Variants in XKR6 observed in about 807,000 individuals in gnomAD.
XKR6 encodes the protein XK related 6.
Under a neutral mutation model 56.7 loss-of-function variants are expected in XKR6, and 22 were observed. That is an observed-to-expected ratio of 0.39 (90% CI 0.28 to 0.55). The LOEUF is 0.55. XKR6 is among the 20% of genes least tolerant of loss of function. The probability of loss-of-function intolerance (pLI) is 0.66; values close to 1 mark genes in which losing one functional copy is unlikely to be tolerated. For missense variants in XKR6, 852 were observed against 889.0 expected (o/e 0.96, Z 0.53); for synonymous variants, 524 against 387.8 (o/e 1.35, Z -4.13).
chr8:11,180,653 C>T (rs1384181489), intron 1 of XKR6, among the ~76,000 whole-genome samples: 2 of 152,104 alleles, frequency 1.3e-5, no homozygotes, highest in African/African-American at 4.8e-5. Flanking sequence ...ACCTGCAATC[C>T]CAGGGCTTTG....
At chr8:11,086,360 G>A (rs1325159146) in intron 1 of XKR6, among the ~76,000 whole-genome samples, 1 of 152,058 alleles carries the variant, frequency 6.6e-6, no homozygotes, top group African/African-American at 2.4e-5. Flanking sequence ...CAAAGCCCGG[G>A]CCGAGGATGT....
chr8:10,921,702 C>A (rs1424903882), intron 2 of XKR6, among the ~76,000 whole-genome samples: 3 of 152,190 alleles, frequency 2.0e-5, no homozygotes, highest in African/African-American at 7.2e-5. Flanking sequence ...GTCTACCACC[C>A]TGCTACCTGC....
intron 1 of XKR6, among the ~76,000 whole-genome samples, chr8:11,122,135 G>T (rs564777437): frequency 3.3e-5 from 5 of 152,282 alleles, no homozygotes; most frequent in Admixed American, 3.3e-4. Flanking sequence ...AACTGCTGTT[G>T]CCACAGTCTC....
chr8:11,083,289 A>C (rs977212800), intron 1 of XKR6, among the ~76,000 whole-genome samples: 6 of 152,152 alleles, frequency 3.9e-5, no homozygotes, highest in African/African-American at 1.2e-4. Context: ...GTGAGGAAGG[A>C]ATGGGAATGC....
chr8:11,158,504 C>T (rs150605168), intron 1 of XKR6, among the ~76,000 whole-genome samples: 97 of 152,284 alleles, frequency 6.4e-4, no homozygotes, highest in African/African-American at 2.3e-3. Flanking sequence ...GAAACTTCGC[C>T]TTGAGTTTCT....
chr8:11,196,413 G>A (rs28633434), intron 1 of XKR6, among the ~76,000 whole-genome samples: 76,700 of 150,964 alleles, frequency 0.51, 20,953 homozygotes, highest in African/African-American at 0.7. Context: ...AGCTCAAAAA[G>A]CAAACAAAAC....
intron 1 of XKR6, among the ~76,000 whole-genome samples, chr8:11,134,299 C>A (rs890662795): frequency 1.3e-5 from 2 of 152,142 alleles, no homozygotes; most frequent in Admixed American, 1.3e-4. Flanking sequence ...ATCCCAATGC[C>A]TTAAGGGCGT....
intron 1 of XKR6, among the ~76,000 whole-genome samples, chr8:11,102,097 T>C (rs1028900323): frequency 6.6e-6 from 1 of 152,030 alleles, no homozygotes; most frequent in African/African-American, 2.4e-5. Context: ...GGCTGAAAAA[T>C]TTCAACAGTT....
rs551482117 is a variant in XKR6 at position 10,978,581 on chromosome 8, C to G, written c.765-53751G>C. On this transcript the variant is annotated intron_variant, in intron 1 of 2. Coordinates refer to ENST00000416569, the MANE Select transcript of XKR6 (RefSeq NM_173683.4). Reference sequence around the variant, plus strand: ...CTCCTCCAGAGAAAGAAACAGGCACCCCAAGACACTCGGCCCAAGGTAGTT... The same window carrying G: ...CTCCTCCAGAGAAAGAAACAGGCACGCCAAGACACTCGGCCCAAGGTAGTT... 5.3e-5 allele frequency among the ~76,000 whole-genome samples: 8 copies of G among 152,278 alleles called. No homozygotes were observed. The East Asian group carries it at 1.5e-3, about 29-fold the overall frequency.
chr8:11,184,040 A>G (rs1803134627), intron 1 of XKR6, among the ~76,000 whole-genome samples: 1 of 152,232 alleles, frequency 6.6e-6, no homozygotes, highest in Non-Finnish European at 1.5e-5. Flanking sequence ...AAGCAAATAT[A>G]ACGAAAAGTG....
chr8:10,989,404 C>G (rs994318225), intron 1 of XKR6, among the ~76,000 whole-genome samples: 2 of 152,054 alleles, frequency 1.3e-5, no homozygotes, highest in African/African-American at 4.8e-5. Context: ...TTAACTAGCC[C>G]GAAATCACAA....
intron 1 of XKR6, among the ~76,000 whole-genome samples, chr8:11,018,541 T>C (rs1798677947): frequency 6.6e-6 from 1 of 152,178 alleles, no homozygotes; most frequent in Admixed American, 6.5e-5. Flanking sequence ...AGGCAAGAGC[T>C]GAAAACTACC....
At chr8:11,156,892 C>T (rs1801550228) in intron 1 of XKR6, among the ~76,000 whole-genome samples, 2 of 152,032 alleles carry the variant, frequency 1.3e-5, no homozygotes, top group African/African-American at 4.8e-5. Flanking sequence ...CACTTAGGAA[C>T]TTGCTTCCAA....
rs1804182756 is a variant in XKR6, at chr8:11,200,862, C to A, written c.478G>T (p.Val160Phe). The change falls in exon 1 of 3, where the codon GTC becomes TTC. Residue 160 changes from valine to phenylalanine, a missense_variant. By Grantham distance (50) the Val-to-Phe change is conservative (BLOSUM62 -1). Transcript: ENST00000416569. This position sits in a 1 kb window ranked among gnomAD's most constrained non-coding sequence, Gnocchi z 6.4. The stretch of plus-strand genomic sequence containing the variant: ...AAGAAGAGGGTCAGCCCGAAGTAGA[C>A]GTAGTCCCCCTTGCGGTAGTAGTCG... ...ALDYYRKGDY[V>F]YFGLTLFFVL... The A allele has an allele frequency of 1.2e-6, 2 of 1,611,844 alleles. No individual in the cohort carries two copies. The highest frequency in any genetic ancestry group is 2.7e-5 in the African/African-American group (2 of 74,802).
chr8:11,189,599 A>C (rs1317348640), intron 1 of XKR6, among the ~76,000 whole-genome samples: 4 of 152,170 alleles, frequency 2.6e-5, no homozygotes, highest in Non-Finnish European at 5.9e-5. Context: ...AAAGTTTACC[A>C]AAAACAAAAA....
intron 1 of XKR6, among the ~76,000 whole-genome samples, chr8:11,067,969 G>C (rs1438985398): frequency 6.6e-6 from 1 of 152,230 alleles, no homozygotes; most frequent in African/African-American, 2.4e-5. Flanking sequence ...GAGTGAATGT[G>C]GGGTGGTTGC....
intron 1 of XKR6, among the ~76,000 whole-genome samples, chr8:11,190,270 G>T (rs1030124402): frequency 6.6e-6 from 1 of 151,154 alleles, no homozygotes; most frequent in Non-Finnish European, 1.5e-5. Context: ...GAAAGGAAAA[G>T]AAAAGAAAGG....
chr8:10,911,337 ATATG>A (rs141958205), intron 2 of XKR6, among the ~76,000 whole-genome samples: 1,264 of 114,456 alleles, frequency 0.011, 20 homozygotes, highest in African/African-American at 0.038. Flanking sequence ...ATATATATAT[ATATG>A]TGTGTGTGTG....
At chr8:11,096,500 G>A (rs1263298302) in intron 1 of XKR6, among the ~76,000 whole-genome samples, 2 of 152,222 alleles carry the variant, frequency 1.3e-5, no homozygotes, top group African/African-American at 4.8e-5. Flanking sequence ...TTAGAATACT[G>A]CACAACGAAG....
Sources: allele counts gnomAD v4.1 joint callset (sites outside exome capture counted in the v4.1 genomes callset), GRCh38; gene constraint gnomAD v4.1.1; non-coding constraint Gnocchi (gnomAD v3.1); transcripts MANE v1.5; gene names NCBI Gene and HGNC (gene_info 2026-07-23, HGNC 2026-07-21).